RRP12: variants seen among roughly 807,000 people sequenced by gnomAD.
RRP12 encodes the protein RRP12-like protein.
RRP12 carries 78 observed loss-of-function variants against 157.3 expected under a neutral mutation model. The observed-to-expected ratio is 0.50, with a 90% CI of 0.41 to 0.60. RRP12 has a LOEUF of 0.60. Ranked by LOEUF, RRP12 falls within the 20% of genes least tolerant of loss-of-function variation. RRP12 has a pLI of 0.00. For synonymous variants in RRP12, 726 were observed against 670.9 expected, an observed-to-expected ratio of 1.08 and a Z score of -1.27; for missense variants, 1,521 against 1,679.9, an observed-to-expected ratio of 0.91 and a Z score of 1.65.
chr10:97,379,219 T>C (rs1445393273), intron 15 of RRP12, 74 bp downstream of exon 15: 8 of 1,557,806 alleles, frequency 5.1e-6, no homozygotes, highest in Non-Finnish European at 6.2e-6. Context: ...CTCAGCACCC[T>C]TCCCAATCCC....
chr10:97,377,902 T>G (rs971835409), intron 15 of RRP12, among the ~76,000 whole-genome samples: 7 of 145,124 alleles, frequency 4.8e-5, no homozygotes, highest in African/African-American at 1.8e-4. Context: ...AGACAGCGGA[T>G]GAAATAGTTT....
At chr10:97,363,111 G>C (rs1843885541) in intron 30 of RRP12, among the ~76,000 whole-genome samples, 1 of 152,228 alleles carries the variant, frequency 6.6e-6, no homozygotes, top group African/African-American at 2.4e-5. Flanking sequence ...ACTATACCCT[G>C]ATGTAGGCTC....
chr10:97,361,686 A>G (rs1843845282), intron 30 of RRP12, among the ~76,000 whole-genome samples: 1 of 152,190 alleles, frequency 6.6e-6, no homozygotes, highest in Admixed American at 6.5e-5. Flanking sequence ...TCCGACTGCA[A>G]TGTAGGGGAT....
rs1843730086 is a variant in RRP12, at chr10:97,357,119, T to A, written c.3869A>T (p.Asn1290Ile). The change falls in exon 34 of 34, where the codon AAC (asparagine) becomes ATC (isoleucine). Residue 1290 changes from asparagine to isoleucine, a missense_variant. Asn to Ile is a moderately radical substitution (Grantham distance 149). Coordinates refer to ENST00000370992, the MANE Select transcript of RRP12 (RefSeq NM_015179.4). The stretch of plus-strand genomic sequence containing the variant: ...TCAGGGTCGACGATCCTTTCTGCGG[T>A]TTTTGTGTCCCACCTGGGAACCTCG... ...ARRGSQVGHK[N>I]RRKDRRP The A allele has an allele frequency of 4.3e-6, 7 of 1,610,438 alleles. No homozygotes were observed. In the Admixed American group the frequency reaches 5.0e-5, roughly 12 times the overall value.
rs746234822 is a variant in RRP12 at position 97,370,286 on chromosome 10, G to C, written c.2690-12C>G. On this transcript the variant is annotated splice_polypyrimidine_tract_variant and intron_variant, in intron 23 of 33. Transcript: ENST00000370992. ...GCACTGCAGGGCCTCTGGGGACAGAGACCAACGTGGGTCAAGCAGGAAGGA... is the reference window on the plus strand; with the variant it reads ...GCACTGCAGGGCCTCTGGGGACAGACACCAACGTGGGTCAAGCAGGAAGGA... The C allele has an allele frequency of 6.4e-7, 1 of 1,572,118 alleles. No individual in the cohort carries two copies. Among genetic ancestry groups the C allele is most frequent in the South Asian group, 1.2e-5 (1 of 86,756 alleles).
intron 31 of RRP12, 87 bp from the exon 32 acceptor site, chr10:97,359,097 G>C: frequency 1.0e-6 from 1 of 987,182 alleles, no homozygotes; most frequent in Non-Finnish European, 1.6e-6. Context: ...TGAGAGAGCT[G>C]CAAGGGAGCA....
intron 15 of RRP12, among the ~76,000 whole-genome samples, chr10:97,378,083 A>C (rs569409942): frequency 6.6e-6 from 1 of 152,248 alleles, no homozygotes; most frequent in African/African-American, 2.4e-5. Context: ...AAACTAGAAG[A>C]TAAATAGAGA....
intron 6 of RRP12, among the ~76,000 whole-genome samples, chr10:97,389,668 G>A (rs368129138): frequency 6.6e-5 from 10 of 152,104 alleles, no homozygotes; most frequent in Non-Finnish European, 1.0e-4. Context: ...GGGAACACTG[G>A]AGTCTCCCCA....
rs140400696 is a variant in RRP12, at chr10:97,400,398, C to G, written c.276G>C (p.Ser92=). ...EAELVLTEKS[S]GTFLSGLSDC... ...CGGAAAGGCCACTCAGGAAGGTACC[C>G]GAGGACTTCTCGGTGAGAACCAGCT... Residue 92 remains serine (S), a synonymous_variant, in exon 2 of 34, where the codon TCG becomes TCC. Coordinates refer to ENST00000370992, the MANE Select transcript of RRP12 (RefSeq NM_015179.4). 1.1e-5 allele frequency: 17 copies of G among 1,614,008 alleles called. No individual in the cohort carries two copies. The highest frequency in any genetic ancestry group is 1.4e-5 in the Non-Finnish European group (17 of 1,180,022).
chr10:97,365,894 C>CT (rs1589413175), intron 29 of RRP12: 1 of 607,606 alleles, frequency 1.6e-6, no homozygotes, highest in East Asian at 2.9e-5. Context: ...CGATAGTTTC[C>CT]TTTAAGTTAA....
rs769302855 is a variant in RRP12 at position 97,373,578 on chromosome 10, C to T, written c.2023G>A (p.Ala675Thr). 2 of 1,597,948 alleles carry T rather than the reference C, an allele frequency of 1.3e-6. No individual in the cohort carries two copies. The highest frequency in any genetic ancestry group is 2.2e-5 in the East Asian group (1 of 44,588). ...CACTCCCACAGCCCACACGTACCTG[C>T]CTGGCAGCCCTTGGTGATGAGGGTG... is the stretch of plus-strand genomic sequence containing the variant. ...LRTLITKGCQ[A>T]EADRAEVSRF... is the part of the protein sequence containing the mutation. Residue 675 changes from alanine to threonine, a missense_variant, in exon 17 of 34, where the codon GCA (alanine) becomes ACA (threonine). Transcript: ENST00000370992.
intron 15 of RRP12, among the ~76,000 whole-genome samples, chr10:97,376,152 T>C (rs1442532869): frequency 6.8e-6 from 1 of 147,768 alleles, no homozygotes; most frequent in Non-Finnish European, 1.5e-5. Flanking sequence ...CAAAGGAAAA[T>C]ACATTAAAAA....
At chr10:97,398,039 ATT>A (rs1184698036) in intron 2 of RRP12, among the ~76,000 whole-genome samples, 1,113 of 56,024 alleles carry the variant, frequency 0.02, 204 homozygotes, top group African/African-American at 0.069. Context: ...ATATATACGT[ATT>A]TTTTTTTTTT....
intron 19 of RRP12, 27 bp from the exon 20 acceptor site, chr10:97,372,193 G>A (rs1190725019): frequency 1.3e-6 from 2 of 1,585,992 alleles, no homozygotes; most frequent in Non-Finnish European, 1.7e-6. Flanking sequence ...GACAAGGAGA[G>A]GGATGGGGAG....
Position 97,366,491 on chromosome 10 carries a change from C to T in RRP12, c.3346G>A (p.Glu1116Lys), listed in dbSNP as rs1019065607. Residue 1116 changes from glutamate (E) to lysine (K), a missense_variant, in exon 28 of 34, where the codon GAG becomes AAG. Glu to Lys is a moderately conservative substitution (Grantham distance 56). Transcript: ENST00000370992. The stretch of plus-strand genomic sequence containing the variant: ...TTGGGATCCAGGAAGTTGAGGGGCT[C>T]GTCCCCACCGCCCTCTTTCAGCCAT... ...RAWLKEGGGD[E>K]PLNFLDPKVA... The T allele has an allele frequency of 1.2e-6, 2 of 1,613,764 alleles. No homozygotes were observed. Among genetic ancestry groups the T allele is most frequent in the Non-Finnish European group, 1.7e-6 (2 of 1,179,954 alleles).
intron 8 of RRP12, among the ~76,000 whole-genome samples, chr10:97,387,249 C>A (rs1056148213): frequency 6.6e-6 from 1 of 152,060 alleles, no homozygotes; most frequent in East Asian, 1.9e-4. Flanking sequence ...GGAAAAAAAA[C>A]TGTACATGTT....
intron 4 of RRP12, among the ~76,000 whole-genome samples, chr10:97,391,834 C>T (rs1589438483): frequency 1.3e-5 from 2 of 151,688 alleles, no homozygotes; most frequent in Admixed American, 1.3e-4. Flanking sequence ...GGCACGAGAA[C>T]GGTGTGAACC....
intron 2 of RRP12, among the ~76,000 whole-genome samples, chr10:97,397,585 A>T (rs1166867418): frequency 1.3e-5 from 2 of 152,182 alleles, no homozygotes; most frequent in Non-Finnish European, 2.9e-5. Flanking sequence ...ATAGTGCATT[A>T]TTCAAAAGAA....
intron 15 of RRP12, among the ~76,000 whole-genome samples, chr10:97,378,476 C>T (rs1219304739): frequency 2.6e-5 from 4 of 152,262 alleles, no homozygotes; most frequent in South Asian, 2.1e-4. Flanking sequence ...CAGTAAAATA[C>T]GGTATTATCA....
Sources: allele counts gnomAD v4.1 joint callset (sites outside exome capture counted in the v4.1 genomes callset), GRCh38; gene constraint gnomAD v4.1.1; transcripts MANE v1.5; gene names NCBI Gene and HGNC (gene_info 2026-07-23, HGNC 2026-07-21).